The following ARHGEF33 variants were observed in gnomAD, a reference collection of about 807,000 sequenced individuals.
ARHGEF33 encodes Rho guanine nucleotide exchange factor 33, also known as DH and coiled-coil domain-containing protein ENSP00000381780.
A neutral mutation model predicts 101.9 loss-of-function variants in ARHGEF33; 72 were observed. The ratio of observed to expected loss-of-function variants is 0.71; its 90% CI spans 0.58 to 0.86. The LOEUF (loss-of-function observed/expected upper bound fraction) is 0.86. ARHGEF33 is among the 40% of genes least tolerant of loss of function. The pLI is 0.00. For missense variants in ARHGEF33, 1,169 were observed against 1,111.3 expected (o/e 1.05, Z -0.74); for synonymous variants, 499 against 442.5 (o/e 1.13, Z -1.60).
At chr2:38,948,096 A>G (rs1358290755) in intron 10 of ARHGEF33, among the ~76,000 whole-genome samples, 1 of 146,310 alleles carries the variant, frequency 6.8e-6, no homozygotes, top group Non-Finnish European at 1.5e-5. Context: ...AAGGAATAGG[A>G]AAAAAAAAAA....
At chr2:38,965,729 T>G (rs1366123852) in intron 16 of ARHGEF33, among the ~76,000 whole-genome samples, 1 of 152,232 alleles carries the variant, frequency 6.6e-6, no homozygotes, top group African/African-American at 2.4e-5. Context: ...AAACATTAGC[T>G]AATGTTCTTT....
At chr2:38,951,448 G>T (rs1323779661) in intron 11 of ARHGEF33, among the ~76,000 whole-genome samples, 1 of 152,138 alleles carries the variant, frequency 6.6e-6, no homozygotes, top group Non-Finnish European at 1.5e-5. Context: ...TGTATTGTGT[G>T]TGTGTTTTTA....
intron 1 of ARHGEF33, among the ~76,000 whole-genome samples, chr2:38,892,449 C>G (rs1343790309): frequency 6.6e-6 from 1 of 152,088 alleles, no homozygotes; most frequent in Non-Finnish European, 1.5e-5. Context: ...AAAAACCTAA[C>G]TGACATCTGC....
intron 2 of ARHGEF33, among the ~76,000 whole-genome samples, chr2:38,911,625 G>A (rs1666511993): frequency 6.6e-6 from 1 of 152,194 alleles, no homozygotes; most frequent in East Asian, 1.9e-4. Context: ...CACAAATATG[G>A]CTATAACTTC....
At chr2:38,962,594 A>G (rs961602918) in intron 16 of ARHGEF33, among the ~76,000 whole-genome samples, 5 of 152,288 alleles carry the variant, frequency 3.3e-5, no homozygotes, top group African/African-American at 9.6e-5. Context: ...ATACCAAGGA[A>G]ATTGCAAATG....
At chr2:38,950,721 G>C (rs1000435923) in intron 10 of ARHGEF33, among the ~76,000 whole-genome samples, 1 of 152,214 alleles carries the variant, frequency 6.6e-6, no homozygotes, top group African/African-American at 2.4e-5. Flanking sequence ...TGGGATTACA[G>C]GTGTGGCATG....
At chr2:38,892,771 A>G (rs185183423) in intron 1 of ARHGEF33, among the ~76,000 whole-genome samples, 165 of 152,314 alleles carry the variant, frequency 1.1e-3, no homozygotes, top group African/African-American at 3.6e-3. Flanking sequence ...GGTGAAGCAT[A>G]CATTTGGCTC....
At chr2:38,910,735 C>A (rs1465424301) in intron 2 of ARHGEF33, among the ~76,000 whole-genome samples, 1 of 152,174 alleles carries the variant, frequency 6.6e-6, no homozygotes, top group Non-Finnish European at 1.5e-5. Flanking sequence ...TCTCATCAGA[C>A]CTGCCAAAAC....
chr2:38,951,232 C>T (rs1319935882), intron 11 of ARHGEF33, 111 bp downstream of exon 11: 7 of 994,518 alleles, frequency 7.0e-6, no homozygotes, highest in Non-Finnish European at 1.0e-5. Flanking sequence ...GCTAGAACCA[C>T]TGAGATCTAG....
intron 10 of ARHGEF33, 134 bp downstream of exon 10, chr2:38,944,164 G>C (rs1055989676): frequency 1.2e-6 from 1 of 868,782 alleles, no homozygotes; most frequent in Admixed American, 3.1e-5. Context: ...AAGAGGCAGT[G>C]ATGGCAGATG....
At chr2:38,900,874 C>G (rs1666224040) in intron 2 of ARHGEF33, among the ~76,000 whole-genome samples, 1 of 152,112 alleles carries the variant, frequency 6.6e-6, no homozygotes, top group Non-Finnish European at 1.5e-5. Context: ...TGATCTCTTC[C>G]TGGAGGAAGG....
chr2:38,910,489 G>C (rs1418608675), intron 2 of ARHGEF33, among the ~76,000 whole-genome samples: 1 of 152,268 alleles, frequency 6.6e-6, no homozygotes, highest in Admixed American at 6.5e-5. Flanking sequence ...AGAATTGCTT[G>C]AACCCGGGAG....
chr2:38,890,019 A>G, intron 1 of ARHGEF33, 33 bp downstream of exon 1: 1 of 420,550 alleles, frequency 2.4e-6, no homozygotes, highest in Non-Finnish European at 4.9e-6. Context: ...TTTAAGGGGC[A>G]CTGAAAGGGG....
chr2:38,907,761 A>C (rs1666423072), intron 2 of ARHGEF33, among the ~76,000 whole-genome samples: 1 of 151,906 alleles, frequency 6.6e-6, no homozygotes, highest in African/African-American at 2.4e-5. Flanking sequence ...ATTGGGACTT[A>C]CTTAGTGAAA....
At chr2:38,965,928 C>G in intron 16 of ARHGEF33, 78 bp from the exon 17 acceptor site, 1 of 1,507,194 alleles carries the variant, frequency 6.6e-7, no homozygotes, top group Non-Finnish European at 8.9e-7. Context: ...GTCACAACAC[C>G]ACAAAATTGT....
chr2:38,964,322 TC>T, intron 16 of ARHGEF33, among the ~76,000 whole-genome samples: 1 of 152,108 alleles, frequency 6.6e-6, no homozygotes, highest in East Asian at 1.9e-4. Context: ...CCATTGAAGT[TC>T]ATCAACTCAC....
rs1008600726 is a variant in ARHGEF33 at position 38,974,022 on chromosome 2, G to C, written c.*179G>C. ...AACTAAACATACAAGACATTGAAGA[G>C]ATGAAGATTAGTTTCTGGTTAAGAT... On this transcript the variant is annotated 3_prime_UTR_variant, in exon 18 of 18. Transcript: ENST00000409978. 44 of 327,520 alleles carry C rather than the reference G, an allele frequency of 1.3e-4. No individual in the cohort carries two copies. Among genetic ancestry groups the C allele is most frequent in the African/African-American group, 8.6e-4 (39 of 45,100 alleles). 20.3% of individuals were successfully genotyped at this position (327,520 alleles called of 1,614,324 possible).
At position 38,966,146 on chromosome 2, in the gene ARHGEF33, G is replaced by A. The variant is rs1572783375; in HGVS notation, c.2483+1G>A. 1 of 1,551,550 alleles carries A rather than the reference G, an allele frequency of 6.4e-7. No homozygotes were observed. Among genetic ancestry groups the A allele is most frequent in the Non-Finnish European group, 8.7e-7 (1 of 1,146,952 alleles). ...CCTTCCGCAAGCTCTTTAAAAAGAA[G>A]TGAGTAGCCCTTAGACAAGACAGCA... On this transcript the variant is annotated splice_donor_variant, in intron 17 of 17. Transcript: ENST00000409978. LOFTEE classifies it high-confidence loss of function.
In ARHGEF33 at chr2:38,973,736, GA is replaced by G; in HGVS notation, c.2512del (p.Thr838LeufsTer46). 6.5e-7 allele frequency: 1 copy of G among 1,542,302 alleles called. No homozygotes were observed. Among genetic ancestry groups the G allele is most frequent in the South Asian group, 1.2e-5 (1 of 82,950 alleles). On this transcript the variant is annotated frameshift_variant, in exon 18 of 18. Coordinates refer to ENST00000409978, the MANE Select transcript of ARHGEF33 (RefSeq NM_001145451.5). LOFTEE classifies it high-confidence loss of function. ...KKKSSGSEYREKTNENPSMDP... is the reference protein window; with the variant it reads ...KKKSSGSEYRXKTNENPSMDP... ...TAGGTCCAGTGGATCAGAATACAGG[GA>G]AAAAACTAATGAGAATCCCTCAATG... is the stretch of plus-strand genomic sequence containing the variant.
Sources: allele counts gnomAD v4.1 joint callset (sites outside exome capture counted in the v4.1 genomes callset), GRCh38; gene constraint gnomAD v4.1.1; transcripts MANE v1.5; gene names NCBI Gene and HGNC (gene_info 2026-07-23, HGNC 2026-07-21).